EXOC4: variants seen among roughly 807,000 people sequenced by gnomAD.
EXOC4 encodes exocyst complex component 4.
In EXOC4, 71 loss-of-function variants were observed where a neutral mutation model predicts 107.2. The observed-to-expected ratio is 0.66, with a 90% CI of 0.55 to 0.81. The LOEUF (loss-of-function observed/expected upper bound fraction) is 0.81. EXOC4 is among the 30% of genes least tolerant of loss of function. The pLI, the probability that EXOC4 is intolerant of heterozygous loss-of-function variation, is 0.00. For missense variants in EXOC4, 1,108 were observed against 1,189.6 expected, an observed-to-expected ratio of 0.93 and a Z score of 1.01; for synonymous variants, 456 against 441.2, an observed-to-expected ratio of 1.03 and a Z score of -0.42.
intron 7 of EXOC4, among the ~76,000 whole-genome samples, chr7:133,451,340 T>A (rs1456676277): frequency 5.9e-5 from 9 of 152,138 alleles, no homozygotes; most frequent in Non-Finnish European, 1.2e-4. Flanking sequence ...TTGTTCCTCA[T>A]TTCTACTTGT....
At chr7:133,557,495 C>T (rs754307359) in intron 9 of EXOC4, among the ~76,000 whole-genome samples, 3 of 152,024 alleles carry the variant, frequency 2.0e-5, no homozygotes, top group Non-Finnish European at 2.9e-5. Flanking sequence ...GAAATCAAAA[C>T]GTTCAATTTC....
At chr7:133,664,985 A>T (rs907065560) in intron 10 of EXOC4, among the ~76,000 whole-genome samples, 1 of 152,114 alleles carries the variant, frequency 6.6e-6, no homozygotes, top group Non-Finnish European at 1.5e-5. Flanking sequence ...TACAGGCACC[A>T]TTTTACAGTG....
chr7:133,994,601 C>T (rs1025060102), intron 14 of EXOC4, among the ~76,000 whole-genome samples: 3 of 152,092 alleles, frequency 2.0e-5, no homozygotes, highest in Non-Finnish European at 4.4e-5. Context: ...GTCATCCATC[C>T]CTAGTATTAG....
At chr7:133,640,376 T>C (rs945333401) in intron 10 of EXOC4, among the ~76,000 whole-genome samples, 1 of 152,228 alleles carries the variant, frequency 6.6e-6, no homozygotes, top group Non-Finnish European at 1.5e-5. Flanking sequence ...GATTTCTTTA[T>C]GTTAGTCATT....
chr7:133,575,538 G>C (rs1027407770), intron 9 of EXOC4, among the ~76,000 whole-genome samples: 2 of 152,182 alleles, frequency 1.3e-5, no homozygotes, highest in African/African-American at 2.4e-5. Flanking sequence ...ATTCTGCTAT[G>C]ATGGTAGGAT....
Position 133,630,049 on chromosome 7 carries a change from T to A in EXOC4, c.1422T>A (p.Gly474=). The A allele has an allele frequency of 1.9e-6, 3 of 1,612,340 alleles. No homozygotes were observed. The highest frequency in any genetic ancestry group is 2.5e-6 in the Non-Finnish European group (3 of 1,178,620). Residue 474 remains glycine, a synonymous_variant, in exon 10 of 18, where the codon GGT becomes GGA. Coordinates refer to ENST00000253861, the MANE Select transcript of EXOC4 (RefSeq NM_021807.4). ...TTTTTTTCTTTCTTCTGAAAGGGGG[T>A]CCTGATGACAACTTAATTGAAGGTG... ...LYSRSGELQG[G]PDDNLIEGGG...
chr7:133,995,779 A>G lies in EXOC4; in HGVS notation c.2207-1713A>G, dbSNP rs113118013. 2.9e-3 allele frequency among the ~76,000 whole-genome samples: 445 copies of G among 152,278 alleles called. 3 individuals carry two copies. The highest frequency in any genetic ancestry group is 9.8e-3 in the African/African-American group (408 of 41,570). On this transcript the variant is annotated intron_variant, in intron 14 of 17. Coordinates refer to ENST00000253861, the MANE Select transcript of EXOC4 (RefSeq NM_021807.4). ...GTTCCACAGAGGAGAACTTAGCCTT[A>G]CATGTTAGAAGCCTGGATTGTCTAT...
intron 11 of EXOC4, among the ~76,000 whole-genome samples, chr7:133,855,611 T>C (rs1384735133): frequency 1.3e-5 from 2 of 151,838 alleles, no homozygotes; most frequent in East Asian, 1.9e-4. Context: ...TTAACCATAA[T>C]AGAATGATCA....
At chr7:133,486,560 T>C (rs916899632) in intron 9 of EXOC4, among the ~76,000 whole-genome samples, 7 of 152,202 alleles carry the variant, frequency 4.6e-5, no homozygotes, top group African/African-American at 1.7e-4. Flanking sequence ...AAATTCTTTG[T>C]TGCCTTCTAG....
At chr7:134,067,636 T>TACACACACACAC (rs1491317350), downstream of EXOC4, among the ~76,000 whole-genome samples, 51 of 129,168 alleles carry the variant, frequency 3.9e-4, no homozygotes, top group Admixed American at 8.1e-4. Flanking sequence ...TATATATATA[T>TACACACACACAC]ATACACACAC....
At chr7:133,317,225 T>A in intron 4 of EXOC4, 59 bp from the exon 5 acceptor site, 1 of 1,189,044 alleles carries the variant, frequency 8.4e-7, no homozygotes, top group South Asian at 1.3e-5. Flanking sequence ...GGGGCTGTAG[T>A]GGGAGGACTT....
chr7:133,489,582 C>T (rs1474133589), intron 9 of EXOC4, among the ~76,000 whole-genome samples: 1 of 152,186 alleles, frequency 6.6e-6, no homozygotes, highest in Admixed American at 6.5e-5. Context: ...CCTGCTCCCT[C>T]CATCATCCTC....
intron 6 of EXOC4, among the ~76,000 whole-genome samples, chr7:133,372,087 TTATTA>T (rs774556580): frequency 1.1e-4 from 16 of 152,236 alleles, no homozygotes; most frequent in Non-Finnish European, 2.1e-4. Flanking sequence ...AGTTGTCTTT[TTATTA>T]TGAGTGTAAG....
chr7:133,596,609 G>A (rs1391445161), intron 9 of EXOC4, among the ~76,000 whole-genome samples: 1 of 152,160 alleles, frequency 6.6e-6, no homozygotes, highest in Non-Finnish European at 1.5e-5. Flanking sequence ...CTCAAATAGG[G>A]TGAGCTTTAG....
intron 10 of EXOC4, among the ~76,000 whole-genome samples, chr7:133,793,967 A>G (rs1796760012): frequency 6.6e-6 from 1 of 152,238 alleles, no homozygotes; most frequent in East Asian, 1.9e-4. Context: ...TACAACTCCA[A>G]GAGGACTTTC....
At chr7:133,703,418 G>A (rs893832356) in intron 10 of EXOC4, among the ~76,000 whole-genome samples, 1 of 152,150 alleles carries the variant, frequency 6.6e-6, no homozygotes, top group Non-Finnish European at 1.5e-5. Flanking sequence ...AGTATATGTG[G>A]CATGAACATG....
intron 11 of EXOC4, among the ~76,000 whole-genome samples, chr7:133,824,641 C>G (rs1472930986): frequency 6.6e-6 from 1 of 152,154 alleles, no homozygotes; most frequent in Non-Finnish European, 1.5e-5. Context: ...CAAATGTACT[C>G]TTGCATAGTT....
intron 10 of EXOC4, among the ~76,000 whole-genome samples, chr7:133,723,543 T>C (rs1402159671): frequency 6.6e-6 from 1 of 151,916 alleles, no homozygotes; most frequent in African/African-American, 2.4e-5. Flanking sequence ...CAGGCTGGAG[T>C]GCAATGGCGT....
intron 10 of EXOC4, among the ~76,000 whole-genome samples, chr7:133,691,719 A>G (rs1562909848): frequency 6.6e-6 from 1 of 152,218 alleles, no homozygotes; most frequent in East Asian, 1.9e-4. Flanking sequence ...GTAATACAAT[A>G]AAGAATAAAA....
Sources: allele counts gnomAD v4.1 joint callset (sites outside exome capture counted in the v4.1 genomes callset), GRCh38; gene constraint gnomAD v4.1.1; transcripts MANE v1.5; gene names NCBI Gene and HGNC (gene_info 2026-07-23, HGNC 2026-07-21).